Variants in PSD2 observed in about 807,000 individuals in gnomAD.
PSD2 encodes the protein pleckstrin and Sec7 domain containing 2, also known as PH and SEC7 domain-containing protein 2.
Under a neutral mutation model 69.8 loss-of-function variants are expected in PSD2, and 38 were observed. The observed-to-expected ratio is 0.54, with a 90% CI of 0.42 to 0.71. The LOEUF is 0.71. Among genes scored for constraint, PSD2 ranks in the 30% least tolerant of loss-of-function variants. The pLI is 0.00. For synonymous variants in PSD2, 412 were observed against 423.0 expected (o/e 0.97, Z 0.32); for missense variants, 943 against 1,014.5 (o/e 0.93, Z 0.96).
At chr5:139,835,623 T>C in intron 8 of PSD2, 100 bp from the exon 9 acceptor site, 1 of 1,250,854 alleles carries the variant, frequency 8.0e-7, no homozygotes, top group South Asian at 1.2e-5. Context: ...CCCCATTGGC[T>C]GAAAAGGTGC....
At chr5:139,779,360 C>T in the PSD2 span, among the ~76,000 whole-genome samples, 3 of 152,152 alleles carry the variant, frequency 2.0e-5, no homozygotes, top group South Asian at 2.1e-4. Flanking sequence ...AGCCACCCCC[C>T]GGGTTTTCTA....
chr5:139,763,392 G>A, the PSD2 span, among the ~76,000 whole-genome samples: 1 of 152,202 alleles, frequency 6.6e-6, no homozygotes, highest in Non-Finnish European at 1.5e-5. Flanking sequence ...CACCTTGTCA[G>A]GCATCTAGCT....
intron 9 of PSD2, 46 bp downstream of exon 9, chr5:139,835,812 G>C: frequency 6.3e-7 from 1 of 1,591,398 alleles, no homozygotes; most frequent in Non-Finnish European, 8.6e-7. Context: ...TACATCCCTG[G>C]GTGGGGGAGT....
At chr5:139,796,359 G>A (rs538933720) in intron 1 of PSD2, among the ~76,000 whole-genome samples, 3 of 152,342 alleles carry the variant, frequency 2.0e-5, no homozygotes, top group African/African-American at 7.2e-5. Context: ...TGCGTGGGGG[G>A]TGCCAGTGGC....
the PSD2 span, among the ~76,000 whole-genome samples, chr5:139,781,767 G>T: frequency 6.6e-6 from 1 of 151,934 alleles, no homozygotes; most frequent in Non-Finnish European, 1.5e-5. Flanking sequence ...CTGAGTAACT[G>T]GGATTACAGG....
chr5:139,804,534 G>A (rs1759749524), intron 1 of PSD2, among the ~76,000 whole-genome samples: 1 of 152,140 alleles, frequency 6.6e-6, no homozygotes, highest in Non-Finnish European at 1.5e-5. Flanking sequence ...GGTATCAATG[G>A]TGCACGTGGG....
At chr5:139,759,039 G>T in the PSD2 span, among the ~76,000 whole-genome samples, 1 of 151,482 alleles carries the variant, frequency 6.6e-6, no homozygotes, top group African/African-American at 2.5e-5. Context: ...CATGCTCCAG[G>T]TAGTACTGAA....
At chr5:139,812,590 A>G (rs1034129143) in intron 2 of PSD2, among the ~76,000 whole-genome samples, 1 of 152,212 alleles carries the variant, frequency 6.6e-6, no homozygotes, top group Non-Finnish European at 1.5e-5. Flanking sequence ...AGAATCTTAC[A>G]TGCCTGGAAG....
At chr5:139,790,873 T>G (rs1435846795), upstream of PSD2, among the ~76,000 whole-genome samples, 1 of 151,856 alleles carries the variant, frequency 6.6e-6, no homozygotes, top group Non-Finnish European at 1.5e-5. Context: ...ACCCTGTCTC[T>G]ACTAAAAATA....
At chr5:139,825,361 G>A (rs549460305) in intron 7 of PSD2, among the ~76,000 whole-genome samples, 12 of 152,352 alleles carry the variant, frequency 7.9e-5, no homozygotes, top group Middle Eastern at 6.8e-3. Flanking sequence ...GTGAACATTC[G>A]TGCACAAGTT....
chr5:139,770,887 G>A, the PSD2 span, among the ~76,000 whole-genome samples: 1 of 152,318 alleles, frequency 6.6e-6, no homozygotes, highest in South Asian at 2.1e-4. Context: ...CAAATTATAC[G>A]ATTTTGATGA....
chr5:139,743,661 G>A, the PSD2 span: 1 of 152,580 alleles, frequency 6.6e-6, no homozygotes, highest in Non-Finnish European at 1.5e-5. Context: ...AGAGGTGAAA[G>A]ATGATTGACA....
chr5:139,768,221 G>C, the PSD2 span, among the ~76,000 whole-genome samples: 1 of 152,358 alleles, frequency 6.6e-6, no homozygotes, highest in African/African-American at 2.4e-5. Flanking sequence ...GAAGAGGAGG[G>C]AGAAAGGATA....
the PSD2 span, among the ~76,000 whole-genome samples, chr5:139,752,177 T>C: frequency 1.3e-5 from 2 of 152,182 alleles, no homozygotes; most frequent in East Asian, 1.9e-4. Context: ...CCTCAAAGCT[T>C]AGTTCTCCTA....
At position 139,839,935 on chromosome 5, in the gene PSD2, C is replaced by T; in HGVS notation, c.1969-92C>T. The T allele has an allele frequency of 2.1e-6, 3 of 1,460,084 alleles. No homozygotes were observed. Among genetic ancestry groups the T allele is most frequent in the South Asian group, 2.5e-5 (2 of 79,840 alleles). The allele number at this position is 1,460,084 out of a possible 1,614,324, so 90.4% of individuals were successfully genotyped here. On this transcript the variant is annotated intron_variant, in intron 13 of 14. Coordinates refer to ENST00000274710, the MANE Select transcript of PSD2 (RefSeq NM_032289.4). This position sits in a 1 kb window ranked among gnomAD's most constrained non-coding sequence, Gnocchi z 5.1. ...TGATGCTGGCTAGGCCTTCATTTCCCTTTGGTGGAGCAGCTCCTGGTAGAA... is the reference window on the plus strand; with the variant it reads ...TGATGCTGGCTAGGCCTTCATTTCCTTTTGGTGGAGCAGCTCCTGGTAGAA...
upstream of PSD2, among the ~76,000 whole-genome samples, chr5:139,791,514 T>A (rs1561587331): frequency 6.6e-6 from 1 of 151,962 alleles, no homozygotes. Context: ...CTCAACATGA[T>A]AAAGGGCATT....
chr5:139,833,640 G>T (rs1355594286), intron 7 of PSD2, 62 bp from the exon 8 acceptor site: 8 of 1,167,008 alleles, frequency 6.9e-6, no homozygotes, highest in Non-Finnish European at 1.0e-5. Flanking sequence ...GCAGGGCAGG[G>T]TGTGTGGGGA....
At chr5:139,753,105 C>G in the PSD2 span, among the ~76,000 whole-genome samples, 1 of 152,166 alleles carries the variant, frequency 6.6e-6, no homozygotes, top group African/African-American at 2.4e-5. Context: ...CATCAGCAAA[C>G]TCAGTGTTAC....
rs1381081829 is a variant in PSD2 at position 139,814,553 on chromosome 5, C to T, written c.1016+189C>T. Reference sequence around the variant, plus strand: ...GCCCTAAATCTGTTTCCTTTCTGGGCTGCTTGGGCGAAGCTGATGCTCTCG... The same window carrying T: ...GCCCTAAATCTGTTTCCTTTCTGGGTTGCTTGGGCGAAGCTGATGCTCTCG... On this transcript the variant is annotated intron_variant, in intron 4 of 14. Transcript: ENST00000274710. This position sits in a 1 kb window ranked among gnomAD's most constrained non-coding sequence, Gnocchi z 4.4. 2.6e-5 allele frequency among the ~76,000 whole-genome samples: 4 copies of T among 152,028 alleles called. No individual in the cohort carries two copies. The highest frequency in any genetic ancestry group is 5.9e-5 in the Non-Finnish European group (4 of 68,008).
Sources: allele counts gnomAD v4.1 joint callset (sites outside exome capture counted in the v4.1 genomes callset), GRCh38; gene constraint gnomAD v4.1.1; non-coding constraint Gnocchi (gnomAD v3.1); transcripts MANE v1.5; gene names NCBI Gene and HGNC (gene_info 2026-07-23, HGNC 2026-07-21).